FGD4: variants seen among roughly 807,000 people sequenced by gnomAD.
FGD4 encodes the protein FYVE, RhoGEF and PH domain-containing protein 4.
FGD4 carries 42 observed loss-of-function variants against 102.0 expected under a neutral mutation model. The ratio of observed to expected loss-of-function variants is 0.41; its 90% CI spans 0.32 to 0.53. FGD4 has a LOEUF of 0.53. Ranked by LOEUF, FGD4 falls within the 20% of genes least tolerant of loss-of-function variation. The pLI is 0.21. For missense variants in FGD4, 902 were observed against 1,078.2 expected (o/e 0.84, Z 2.29); for synonymous variants, 380 against 375.7 (o/e 1.01, Z -0.13).
chr12:32,444,316 C>T (rs1942546747), intron 1 of FGD4, among the ~76,000 whole-genome samples: 1 of 152,134 alleles, frequency 6.6e-6, no homozygotes, highest in South Asian at 2.1e-4. Context: ...ACCCACTGCA[C>T]CCAGCCAACA....
In FGD4 at chr12:32,582,514, G is replaced by A. The variant is rs774351838; in HGVS notation, c.1011+47G>A. ...TGAGCAGGGAAAACCCTGCCTATTC[G>A]ATTGTTGTCTTAAAACTCTTTATTT... On this transcript the variant is annotated intron_variant, in intron 4 of 16. Transcript: ENST00000534526. 5 of 1,600,364 alleles carry A rather than the reference G, an allele frequency of 3.1e-6. No homozygotes were observed. The African/African-American group carries it at 6.7e-5, about 21-fold the overall frequency.
At chr12:32,613,196 C>A (rs1347049916) in intron 10 of FGD4, among the ~76,000 whole-genome samples, 1 of 152,162 alleles carries the variant, frequency 6.6e-6, no homozygotes, top group Non-Finnish European at 1.5e-5. Context: ...AGGCAGTCAT[C>A]TCACCCACCA....
intron 1 of FGD4, among the ~76,000 whole-genome samples, chr12:32,462,414 G>T (rs924511194): frequency 2.0e-5 from 3 of 152,172 alleles, no homozygotes; most frequent in Non-Finnish European, 4.4e-5. Context: ...GCCCACCTCA[G>T]CCTCCCAAAG....
At chr12:32,618,736 C>T (rs962821035) in intron 10 of FGD4, among the ~76,000 whole-genome samples, 2 of 151,896 alleles carry the variant, frequency 1.3e-5, no homozygotes, top group Non-Finnish European at 1.5e-5. Flanking sequence ...TTTGGGAGGC[C>T]AAGGCAGGAG....
rs1459733501 is a variant in FGD4, at chr12:32,506,264, A to G, written c.167-57873A>G. On this transcript the variant is annotated intron_variant, in intron 1 of 16. Transcript: ENST00000534526. This position sits in a 1 kb window ranked among gnomAD's most constrained non-coding sequence, Gnocchi z 4.5. Reference sequence around the variant, plus strand: ...ACACCTTTGAAAGATGATTTTCTCCATAATCAAAGTCATAAGAAACAGTTT... The same window carrying G: ...ACACCTTTGAAAGATGATTTTCTCCGTAATCAAAGTCATAAGAAACAGTTT... Among the ~76,000 whole-genome samples, 2 of 152,234 alleles carry G rather than the reference A, an allele frequency of 1.3e-5. No homozygotes were observed. The highest frequency in any genetic ancestry group is 4.8e-5 in the African/African-American group (2 of 41,462).
At chr12:32,626,909 G>A (rs1265110062) in intron 14 of FGD4, among the ~76,000 whole-genome samples, 1 of 152,076 alleles carries the variant, frequency 6.6e-6, no homozygotes, top group African/African-American at 2.4e-5. Flanking sequence ...GTGCAATGAT[G>A]CGATCTCGGT....
chr12:32,430,167 GT>G (rs1464851558), intron 1 of FGD4, among the ~76,000 whole-genome samples: 1 of 152,106 alleles, frequency 6.6e-6, no homozygotes, highest in African/African-American at 2.4e-5. Flanking sequence ...AATTAGCCGG[GT>G]GTGGTAGCAG....
At chr12:32,582,616 G>A in intron 4 of FGD4, 149 bp downstream of exon 4, 2 of 974,944 alleles carry the variant, frequency 2.1e-6, no homozygotes, top group Non-Finnish European at 3.1e-6. Flanking sequence ...CTGCTGATTA[G>A]CATTTCCCCT....
rs1441945566 is a variant in FGD4 at position 32,420,770 on chromosome 12, G to A, written c.166+20811G>A. 2.0e-5 allele frequency among the ~76,000 whole-genome samples: 3 copies of A among 152,088 alleles called. No individual in the cohort carries two copies. In the East Asian group the frequency reaches 5.8e-4, roughly 29 times the overall value. On this transcript the variant is annotated intron_variant, in intron 1 of 16. Coordinates refer to ENST00000534526, the MANE Select transcript of FGD4 (RefSeq NM_001370298.3). ...TGTCTGCCCTATAGCCCCTAATTCT[G>A]TAGTCATCCATTGCTCCTCAAGGGC... is the stretch of plus-strand genomic sequence containing the variant.
At chr12:32,449,439 T>C (rs749170339) in intron 1 of FGD4, among the ~76,000 whole-genome samples, 4 of 152,242 alleles carry the variant, frequency 2.6e-5, no homozygotes, top group Admixed American at 2.0e-4. Flanking sequence ...CCTTGACTTT[T>C]ATGACCCAGA....
chr12:32,637,599 G>GAATGAATA (rs140822380), intron 15 of FGD4: 1 of 147,104 alleles, frequency 6.8e-6, no homozygotes, highest in Non-Finnish European at 1.5e-5. Context: ...CCATCTCTAT[G>GAATGAATA]AATAAATAAA....
At chr12:32,480,915 CACCTT>C (rs1266154297) in intron 1 of FGD4, among the ~76,000 whole-genome samples, 1 of 151,254 alleles carries the variant, frequency 6.6e-6, no homozygotes, top group Non-Finnish European at 1.5e-5. Flanking sequence ...ATGATGCTCT[CACCTT>C]ACATTCTCAA....
At chr12:32,477,974 G>A (rs1189175811) in intron 1 of FGD4, among the ~76,000 whole-genome samples, 1 of 152,132 alleles carries the variant, frequency 6.6e-6, no homozygotes, top group South Asian at 2.1e-4. Flanking sequence ...ATAGTAAATG[G>A]CTTCCTGAAT....
chr12:32,614,627 A>G (rs948832601), intron 10 of FGD4, among the ~76,000 whole-genome samples: 7 of 152,122 alleles, frequency 4.6e-5, no homozygotes, highest in African/African-American at 9.7e-5. Context: ...AACAAGGGCA[A>G]TTTTTCGAGA....
intron 1 of FGD4, among the ~76,000 whole-genome samples, chr12:32,459,814 T>G (rs942142661): frequency 6.6e-6 from 1 of 152,026 alleles, no homozygotes. Flanking sequence ...TCCTCTGGCC[T>G]CAGCCTCCTC....
At position 32,582,245 on chromosome 12, in the gene FGD4, C is replaced by T. The variant is rs757469397; in HGVS notation, c.789C>T (p.His263=). The T allele has an allele frequency of 3.1e-6, 5 of 1,614,200 alleles. No homozygotes were observed. Among genetic ancestry groups the T allele is most frequent in the South Asian group, 1.1e-5 (1 of 91,092 alleles). Reference sequence around the variant, plus strand: ...CTTCTGAACCCTTGCTTGATACGCACATAGTGAATGGAGAAAGAGATGAAA... The same window carrying T: ...CTTCTGAACCCTTGCTTGATACGCATATAGTGAATGGAGAAAGAGATGAAA... ...IQASEPLLDT[H]IVNGERDETA... is the part of the protein sequence containing the mutation. The change falls in exon 4 of 17, where the codon CAC becomes CAT. Residue 263 remains histidine (H), a synonymous_variant. Transcript: ENST00000534526.
At chr12:32,494,838 T>G (rs1448713201) in intron 1 of FGD4, among the ~76,000 whole-genome samples, 1 of 152,170 alleles carries the variant, frequency 6.6e-6, no homozygotes. Flanking sequence ...GTTGAGTGCT[T>G]GGTCTGACAG....
chr12:32,497,829 G>A (rs761011156), intron 1 of FGD4, among the ~76,000 whole-genome samples: 16 of 152,130 alleles, frequency 1.1e-4, no homozygotes, highest in South Asian at 2.1e-4. Context: ...AGGGTAGTAC[G>A]CAGATGTATG....
chr12:32,526,641 C>T (rs1316436607), intron 1 of FGD4, among the ~76,000 whole-genome samples: 4 of 152,218 alleles, frequency 2.6e-5, no homozygotes, highest in Non-Finnish European at 4.4e-5. Context: ...CTCAGGTCCC[C>T]TTCCACACTG....
Sources: allele counts gnomAD v4.1 joint callset (sites outside exome capture counted in the v4.1 genomes callset), GRCh38; gene constraint gnomAD v4.1.1; non-coding constraint Gnocchi (gnomAD v3.1); transcripts MANE v1.5; gene names NCBI Gene and HGNC (gene_info 2026-07-23, HGNC 2026-07-21).